The following MMS22L variants were observed in gnomAD, a reference collection of about 807,000 sequenced individuals.
MMS22L encodes the protein MMS22 like, DNA repair protein.
A neutral mutation model predicts 159.1 loss-of-function variants in MMS22L; 74 were observed. The observed-to-expected ratio is 0.47, with a 90% CI of 0.39 to 0.56. The LOEUF is 0.56. Ranked by LOEUF, MMS22L falls within the 20% of genes least tolerant of loss-of-function variation. MMS22L has a pLI of 0.00. For missense variants in MMS22L, 1,351 were observed against 1,422.1 expected (o/e 0.95, Z 0.80); for synonymous variants, 517 against 506.9 (o/e 1.02, Z -0.27).
In MMS22L at chr6:97,231,516, C is replaced by G. The variant is rs1162774491; in HGVS notation, c.1439G>C (p.Ser480Thr). Residue 480 changes from serine to threonine, a missense_variant, in exon 13 of 25, where the codon AGT (serine) becomes ACT (threonine). Transcript: ENST00000683635. Reference sequence around the variant, plus strand: ...CAGAATACAAAGAAAAATAGTATAACTACTGCTGGATTTATATAGTTCCTG... The same window carrying G: ...CAGAATACAAAGAAAAATAGTATAAGTACTGCTGGATTTATATAGTTCCTG... The part of the protein sequence containing the change: ...QDQELYKSSS[S>T]YTIFLCILAK... The G allele has an allele frequency of 1.9e-6, 3 of 1,613,438 alleles. No individual in the cohort carries two copies. The highest frequency in any genetic ancestry group is 2.5e-6 in the Non-Finnish European group (3 of 1,179,642).
upstream of MMS22L, chr6:97,283,500 G>C (rs1437368248): frequency 6.6e-6 from 1 of 152,258 alleles, no homozygotes; most frequent in African/African-American, 2.4e-5. Context: ...AGTGCGAAGT[G>C]AGTGCCTCGT....
intron 11 of MMS22L, among the ~76,000 whole-genome samples, chr6:97,244,679 T>C (rs1812443312): frequency 6.6e-6 from 1 of 152,246 alleles, no homozygotes. Context: ...AGACCTGGAC[T>C]GGATTCCTTG....
At position 97,215,416 on chromosome 6, in the gene MMS22L, C is replaced by T. The variant is rs1263806196; in HGVS notation, c.2039+13478G>A. Among the ~76,000 whole-genome samples the T allele has an allele frequency of 2.6e-5, 4 of 152,120 alleles. No homozygotes were observed. The East Asian group carries it at 7.7e-4, about 29-fold the overall frequency. ...ATTTCAAATTCTAACATCACAGCAT[C>T]AAAGAGTTTTTACATTTCGATTTCT... On this transcript the variant is annotated intron_variant, in intron 14 of 24. Transcript: ENST00000683635.
At chr6:97,235,144 G>A (rs374352085) in intron 11 of MMS22L, among the ~76,000 whole-genome samples, 2 of 152,312 alleles carry the variant, frequency 1.3e-5, no homozygotes, top group East Asian at 1.9e-4. Context: ...CCAGGTAGGA[G>A]GCGACTGTGC....
At chr6:97,168,356 G>A in intron 19 of MMS22L, 116 bp from the exon 20 acceptor site, 1 of 811,392 alleles carries the variant, frequency 1.2e-6, no homozygotes, top group South Asian at 1.8e-5. Context: ...GTAGGGAATA[G>A]GAAGAGACAT....
At chr6:97,165,535 G>T in intron 20 of MMS22L, 78 bp from the exon 21 acceptor site, 3 of 1,134,164 alleles carry the variant, frequency 2.6e-6, no homozygotes, top group Non-Finnish European at 2.5e-6. Flanking sequence ...CACTAATGAA[G>T]TCCCCAGCAT....
intron 10 of MMS22L, among the ~76,000 whole-genome samples, chr6:97,248,991 TAG>T (rs1157120870): frequency 3.3e-5 from 5 of 151,970 alleles, no homozygotes; most frequent in Non-Finnish European, 7.4e-5. Flanking sequence ...AACTATGTGA[TAG>T]AGAGTGAAGG....
rs1355442721 is a variant in MMS22L, at chr6:97,254,598, A to C, written c.1078T>G (p.Ser360Ala). ...FSWWIITHVA[S>A]FYKFDRHGVP... ...CCATGGCGATCAAACTTGTAAAATG[A>C]TGCTACATGAGTAATAATCCACCAA... The change falls in exon 10 of 25, where the codon TCA becomes GCA. Residue 360 changes from serine (S) to alanine (A), a missense_variant. Transcript: ENST00000683635. 1 of 1,613,672 alleles carries C rather than the reference A, an allele frequency of 6.2e-7. No homozygotes were observed. The highest frequency in any genetic ancestry group is 8.5e-7 in the Non-Finnish European group (1 of 1,179,778).
chr6:97,173,722 C>T (rs1803802621), intron 18 of MMS22L, among the ~76,000 whole-genome samples: 1 of 151,724 alleles, frequency 6.6e-6, no homozygotes, highest in South Asian at 2.1e-4. Context: ...TTTTATGAGC[C>T]ATCTGATGCC....
intron 14 of MMS22L, among the ~76,000 whole-genome samples, chr6:97,200,853 A>G (rs948873841): frequency 6.6e-6 from 1 of 150,952 alleles, no homozygotes; most frequent in Non-Finnish European, 1.5e-5. Context: ...TAGAAATTGG[A>G]AAAAAAAATT....
intron 21 of MMS22L, among the ~76,000 whole-genome samples, chr6:97,164,412 A>G (rs900930917): frequency 6.6e-6 from 1 of 151,896 alleles, no homozygotes; most frequent in African/African-American, 2.4e-5. Context: ...TAAATAATAC[A>G]TGAAGGCAAT....
chr6:97,214,478 T>C (rs753764943), intron 14 of MMS22L, among the ~76,000 whole-genome samples: 1 of 152,144 alleles, frequency 6.6e-6, no homozygotes, highest in Non-Finnish European at 1.5e-5. Flanking sequence ...TGAATAGTAA[T>C]GTGTAGAAGA....
intron 10 of MMS22L, chr6:97,254,128 T>A (rs1250683416): frequency 2.6e-5 from 4 of 154,904 alleles, no homozygotes; most frequent in African/African-American, 4.8e-5. Context: ...ACTAAAGAAG[T>A]GCTATTCTGA....
intron 6 of MMS22L, chr6:97,270,404 G>T (rs964988239): frequency 1.0e-5 from 4 of 383,262 alleles, no homozygotes; most frequent in Non-Finnish European, 2.0e-5. Flanking sequence ...TTTAACAAAA[G>T]AACTTTAGAC....
intron 4 of MMS22L, among the ~76,000 whole-genome samples, chr6:97,276,546 T>G (rs1816259480): frequency 6.6e-6 from 1 of 152,204 alleles, no homozygotes; most frequent in Non-Finnish European, 1.5e-5. Flanking sequence ...CAAAGCCAAC[T>G]CTGCTTTTAT....
At chr6:97,258,542 T>C (rs1814083631) in intron 9 of MMS22L, 1 of 152,210 alleles carries the variant, frequency 6.6e-6, no homozygotes, top group Non-Finnish European at 1.5e-5. Flanking sequence ...TAGTCCTATA[T>C]ATTAAAAAGA....
intron 14 of MMS22L, among the ~76,000 whole-genome samples, chr6:97,206,763 C>T (rs1187641218): frequency 3.3e-5 from 5 of 152,002 alleles, no homozygotes; most frequent in African/African-American, 9.7e-5. Flanking sequence ...AGACACTAAA[C>T]GCCCATCATA....
In MMS22L at chr6:97,282,365, C is replaced by T. The variant is rs749642355; in HGVS notation, c.113G>A (p.Gly38Glu). The T allele has an allele frequency of 1.2e-6, 2 of 1,614,096 alleles. No individual in the cohort carries two copies. The highest frequency in any genetic ancestry group is 1.7e-6 in the Non-Finnish European group (2 of 1,180,010). ...GGATTCTCCAGAAAAATGTTTTCCT[C>T]CTCCTCTGTTGTCAACAGCACAAGA... ...YFSCAVDNRG[G>E]GKHFSGESYL... Residue 38 changes from glycine (G) to glutamate (E), a missense_variant, in exon 2 of 25, where the codon GGA becomes GAA. Coordinates refer to ENST00000683635, the MANE Select transcript of MMS22L (RefSeq NM_001350599.2).
At chr6:97,204,095 GA>G (rs2127906373) in intron 14 of MMS22L, among the ~76,000 whole-genome samples, 1 of 152,188 alleles carries the variant, frequency 6.6e-6, no homozygotes, top group South Asian at 2.1e-4. Flanking sequence ...CTGATGCTCC[GA>G]AAAAATTTAT....
Sources: gnomAD v4.1 joint callset for allele counts (sites outside exome capture counted in the v4.1 genomes callset) on GRCh38, gnomAD v4.1.1 for gene constraint, MANE v1.5 for transcripts, NCBI Gene and HGNC (gene_info 2026-07-23, HGNC 2026-07-21) for gene names.